EYA4: variants seen among roughly 807,000 people sequenced by gnomAD.
The protein encoded by EYA4 is EYA transcriptional coactivator and phosphatase 4.
Under a neutral mutation model 87.9 loss-of-function variants are expected in EYA4, and 31 were observed. The observed-to-expected ratio is 0.35, with a 90% CI of 0.27 to 0.48. The LOEUF is 0.48. Ranked by LOEUF, EYA4 falls within the 20% of genes least tolerant of loss-of-function variation. The pLI, the probability that EYA4 is intolerant of heterozygous loss-of-function variation, is 0.99. For missense variants in EYA4, 678 were observed against 761.4 expected, an observed-to-expected ratio of 0.89 and a Z score of 1.29; for synonymous variants, 263 against 270.6, an observed-to-expected ratio of 0.97 and a Z score of 0.28.
chr6:133,374,974 C>A (rs1208607098), intron 2 of EYA4, among the ~76,000 whole-genome samples: 1 of 152,022 alleles, frequency 6.6e-6, no homozygotes, highest in Non-Finnish European at 1.5e-5. Context: ...AAAAGCCTCT[C>A]AAATTTGTAT....
chr6:133,261,873 A>G (rs556256896), intron 1 of EYA4, among the ~76,000 whole-genome samples: 148 of 152,356 alleles, frequency 9.7e-4, no homozygotes, highest in Non-Finnish European at 1.6e-3. Context: ...TAATCATAAC[A>G]AAATATAATA....
At chr6:133,367,284 C>T (rs185807192) in intron 2 of EYA4, among the ~76,000 whole-genome samples, 119 of 151,848 alleles carry the variant, frequency 7.8e-4, no homozygotes, top group African/African-American at 2.6e-3. Context: ...GTAGAAGACA[C>T]GAAGAAAGGA....
At chr6:133,273,097 G>GTGTGTATATATATATATATATATA (rs142020137) in intron 1 of EYA4, among the ~76,000 whole-genome samples, 11 of 106,652 alleles carry the variant, frequency 1.0e-4, no homozygotes, top group African/African-American at 3.5e-4. Context: ...ATATATATAT[G>GTGTGTATATATATATATATATATA]TATATATATA....
rs1053544255 is a variant in EYA4, at chr6:133,461,883, G to A, written c.438-452G>A. Among the ~76,000 whole-genome samples the A allele has an allele frequency of 1.1e-4, 16 of 149,112 alleles. 1 individual carries two copies. The Middle Eastern group carries it at 0.011, about 98-fold the overall frequency. On this transcript the variant is annotated intron_variant, in intron 7 of 19. Transcript: ENST00000355286. ...TTTTAAATTTCCAATTCTTGGGAGC[G>A]AATTCTTAGTAGGGCTTTTAAATAG...
At chr6:133,379,951 G>A (rs919874119) in intron 2 of EYA4, among the ~76,000 whole-genome samples, 2 of 151,938 alleles carry the variant, frequency 1.3e-5, no homozygotes, top group Admixed American at 6.6e-5. Context: ...ATTCTTTACC[G>A]TATATAAGGG....
At chr6:133,294,342 T>C (rs1328979768) in intron 2 of EYA4, among the ~76,000 whole-genome samples, 1 of 147,098 alleles carries the variant, frequency 6.8e-6, no homozygotes. Context: ...TTGCTCTTTC[T>C]GTTTTTTTTT....
At chr6:133,257,351 C>A (rs966129831) in intron 1 of EYA4, among the ~76,000 whole-genome samples, 3 of 152,250 alleles carry the variant, frequency 2.0e-5, no homozygotes, top group East Asian at 1.9e-4. Context: ...CTTCCCCCAA[C>A]GTAGGTGAGG....
intron 6 of EYA4, among the ~76,000 whole-genome samples, chr6:133,458,295 A>G (rs1308107397): frequency 6.6e-6 from 1 of 152,082 alleles, no homozygotes; most frequent in African/African-American, 2.4e-5. Flanking sequence ...CAGTAAGTAT[A>G]TTTTTATTAA....
At chr6:133,454,879 A>G (rs1012277656) in intron 5 of EYA4, among the ~76,000 whole-genome samples, 1 of 152,002 alleles carries the variant, frequency 6.6e-6, no homozygotes. Context: ...AGCATAAGCT[A>G]TTTTCGTACC....
At position 133,529,007 on chromosome 6, in the gene EYA4, T is replaced by C; in HGVS notation, c.*202T>C. ...ACAGAAAAGAAACTCTATGGTCTTATATTTACAACACTTTAATGGGTTTTT... is the reference window on the plus strand; with the variant it reads ...ACAGAAAAGAAACTCTATGGTCTTACATTTACAACACTTTAATGGGTTTTT... On this transcript the variant is annotated 3_prime_UTR_variant, in exon 20 of 20. Coordinates refer to ENST00000355286, the MANE Select transcript of EYA4 (RefSeq NM_004100.5). 5.8e-6 allele frequency: 8 copies of C among 1,385,830 alleles called. No individual in the cohort carries two copies. The highest frequency in any genetic ancestry group is 7.5e-6 in the Non-Finnish European group (8 of 1,068,906). 85.8% of individuals were successfully genotyped at this position (1,385,830 alleles called of 1,614,324 possible).
chr6:133,519,507 C>T (rs1799916496), intron 17 of EYA4, among the ~76,000 whole-genome samples: 1 of 151,538 alleles, frequency 6.6e-6, no homozygotes, highest in South Asian at 2.1e-4. Flanking sequence ...TAATCCATAG[C>T]TTACCAACCA....
At chr6:133,245,686 G>T (rs1242917960) in intron 1 of EYA4, among the ~76,000 whole-genome samples, 1 of 152,196 alleles carries the variant, frequency 6.6e-6, no homozygotes, top group African/African-American at 2.4e-5. Flanking sequence ...AGTTAGATGT[G>T]TTTTAATGAA....
At chr6:133,499,166 G>A (rs1797892321) in intron 13 of EYA4, among the ~76,000 whole-genome samples, 1 of 152,122 alleles carries the variant, frequency 6.6e-6, no homozygotes. Context: ...TTGAGAAGGT[G>A]GGGGATTAGA....
rs3836962 is a variant in EYA4 at position 133,407,737 on chromosome 6, G to GAAA, written c.83+25303_83+25305dup. Among the ~76,000 whole-genome samples the GAAA allele has an allele frequency of 9.3e-5, 14 of 150,676 alleles. No individual in the cohort carries two copies. In the East Asian group the frequency reaches 2.3e-3, roughly 25 times the overall value. On this transcript the variant is annotated intron_variant, in intron 3 of 19. Transcript: ENST00000355286. ...TCTGATGTTTGTTACTAATTTTCAG[G>GAAA]AAAAAAAAATAAAAGAAAAATACTG... is the stretch of plus-strand genomic sequence containing the variant.
At chr6:133,332,960 C>G (rs1253595534) in intron 2 of EYA4, among the ~76,000 whole-genome samples, 1 of 152,082 alleles carries the variant, frequency 6.6e-6, no homozygotes, top group African/African-American at 2.4e-5. Context: ...TAGGCCCTAG[C>G]TTAGATGTCA....
chr6:133,481,003 A>C (rs1796166756), intron 11 of EYA4, among the ~76,000 whole-genome samples: 1 of 148,594 alleles, frequency 6.7e-6, no homozygotes, highest in Non-Finnish European at 1.5e-5. Flanking sequence ...AAGATGGGAG[A>C]GGTGGAAGGG....
chr6:133,251,840 G>C (rs998620862), intron 1 of EYA4, among the ~76,000 whole-genome samples: 12 of 152,128 alleles, frequency 7.9e-5, no homozygotes, highest in Non-Finnish European at 1.5e-5. Context: ...AAAACTCCCA[G>C]GGCTCTGCAT....
At chr6:133,361,339 C>T (rs1328474040) in intron 2 of EYA4, among the ~76,000 whole-genome samples, 1 of 152,106 alleles carries the variant, frequency 6.6e-6, no homozygotes, top group African/African-American at 2.4e-5. Flanking sequence ...ATTTGATGTC[C>T]CTACATTCAG....
intron 2 of EYA4, among the ~76,000 whole-genome samples, chr6:133,361,691 T>A (rs1404267557): frequency 6.6e-6 from 1 of 152,132 alleles, no homozygotes; most frequent in Non-Finnish European, 1.5e-5. Context: ...TTGATGAGAT[T>A]TGAGAGGAAT....
Sources: allele counts gnomAD v4.1 joint callset (sites outside exome capture counted in the v4.1 genomes callset), GRCh38; gene constraint gnomAD v4.1.1; transcripts MANE v1.5; gene names NCBI Gene and HGNC (gene_info 2026-07-23, HGNC 2026-07-21).